The following ABCC5 variants were observed in gnomAD, a reference collection of about 807,000 sequenced individuals.
ABCC5 encodes ATP-binding cassette sub-family C member 5.
ABCC5 carries 61 observed loss-of-function variants against 160.9 expected under a neutral mutation model. The ratio of observed to expected loss-of-function variants is 0.38; its 90% CI spans 0.31 to 0.47. The LOEUF (loss-of-function observed/expected upper bound fraction) is 0.47, where lower values mean the gene tolerates loss of function less well. Among genes scored for constraint, ABCC5 ranks in the 20% least tolerant of loss-of-function variants. The pLI is 0.99. For synonymous variants in ABCC5, 666 were observed against 700.6 expected (o/e 0.95, Z 0.78); for missense variants, 1,308 against 1,813.3 (o/e 0.72, Z 5.06).
intron 1 of ABCC5, among the ~76,000 whole-genome samples, chr3:184,015,792 G>T (rs1418832158): frequency 6.6e-6 from 1 of 152,142 alleles, no homozygotes; most frequent in Non-Finnish European, 1.5e-5. Flanking sequence ...ACCTCATTAA[G>T]GCTAAACTAT....
chr3:183,926,757 T>C (rs1412112503), intron 28 of ABCC5, among the ~76,000 whole-genome samples: 1 of 151,642 alleles, frequency 6.6e-6, no homozygotes, highest in Non-Finnish European at 1.5e-5. Context: ...AATTTTAAAA[T>C]CTATGTCGGC....
chr3:183,928,135 A>T (rs3792586), intron 27 of ABCC5, among the ~76,000 whole-genome samples: 60,230 of 148,046 alleles, frequency 0.41, 13,055 homozygotes, highest in East Asian at 0.5. Flanking sequence ...TTTTTGAGAC[A>T]GAGTTTTGCT....
intron 25 of ABCC5, among the ~76,000 whole-genome samples, chr3:183,939,811 T>C (rs1398976776): frequency 6.6e-6 from 1 of 152,226 alleles, no homozygotes; most frequent in Non-Finnish European, 1.5e-5. Context: ...GTTTTAGCTG[T>C]TGAATCACTT....
chr3:183,947,769 G>A (rs1478128646), intron 22 of ABCC5, among the ~76,000 whole-genome samples: 3 of 152,090 alleles, frequency 2.0e-5, no homozygotes, highest in Non-Finnish European at 2.9e-5. Flanking sequence ...AGATGTTATG[G>A]AAAACATCTA....
At position 183,984,239 on chromosome 3, in the gene ABCC5, C is replaced by T. The variant is rs941832894; in HGVS notation, c.592-1232G>A. Reference sequence around the variant, plus strand: ...GGCCTCAAGGAAAAACTGGTGGCATCCTTCTGGGTCTTTTCAAGTCCTTGC... The same window carrying T: ...GGCCTCAAGGAAAAACTGGTGGCATTCTTCTGGGTCTTTTCAAGTCCTTGC... On this transcript the variant is annotated intron_variant, in intron 5 of 29. Transcript: ENST00000334444. 6.0e-5 allele frequency: 59 copies of T among 985,492 alleles called. No individual in the cohort carries two copies. In the African/African-American group the frequency reaches 1.0e-3, roughly 17 times the overall value. The allele number at this position is 985,492 out of a possible 1,614,324, so 61.0% of individuals were successfully genotyped here. A position where few individuals can be genotyped will look rare whatever the true frequency, so the allele number is the denominator to read the frequency against.
Position 183,988,483 on chromosome 3 carries a change from TAA to T in ABCC5, c.443+87_443+88del. On this transcript the variant is annotated intron_variant, in intron 4 of 29. Transcript: ENST00000334444. The surrounding 1 kb of genome is among the most constrained non-coding windows in gnomAD (Gnocchi z 4.4). ...CCCTCCACTGGACAGCTCGGCTCTT[TAA>T]AGACACAGAGCTGTGGACTTCACAC... is the stretch of plus-strand genomic sequence containing the variant. 1.3e-6 allele frequency: 2 copies of T among 1,501,570 alleles called. No individual in the cohort carries two copies. Among genetic ancestry groups the T allele is most frequent in the South Asian group, 2.7e-5 (2 of 74,136 alleles). 93.0% of individuals were successfully genotyped at this position (1,501,570 alleles called of 1,614,324 possible).
rs1375352432 is a variant in ABCC5, at chr3:183,971,816, T to C, written c.1508A>G (p.His503Arg). The C allele has an allele frequency of 2.5e-6, 4 of 1,614,130 alleles. No homozygotes were observed. The highest frequency in any genetic ancestry group is 2.5e-6 in the Non-Finnish European group (3 of 1,180,010). The change falls in exon 11 of 30, where the codon CAC becomes CGC. Residue 503 changes from histidine to arginine, a missense_variant. This residue lies in a region of ABCC5 where 1,142 missense variants were observed against 1,527.1 expected (regional missense o/e 0.75). Coordinates refer to ENST00000334444, the MANE Select transcript of ABCC5 (RefSeq NM_005688.4). ...CTTGGGCGAGTTCTGGATACTGGAG[T>C]GGGAGGAGTCCCATGCCAAGGTGGC... ...KNATLAWDSS[H>R]SSIQNSPKLT...
rs902363592 is a variant in ABCC5, at chr3:183,982,723, C to A, written c.825+51G>T. The A allele has an allele frequency of 5.6e-6, 9 of 1,609,662 alleles. No individual in the cohort carries two copies. The highest frequency in any genetic ancestry group is 6.0e-6 in the Non-Finnish European group (7 of 1,176,314). ...TAAGGCAGGGCCCTAGAGGAATGAA[C>A]CTCAAGCTAGGAAGTTGCTCTCTGC... is the stretch of plus-strand genomic sequence containing the variant. On this transcript the variant is annotated intron_variant, in intron 6 of 29. Coordinates refer to ENST00000334444, the MANE Select transcript of ABCC5 (RefSeq NM_005688.4). The surrounding 1 kb of genome is among the most constrained non-coding windows in gnomAD (Gnocchi z 5.2).
chr3:183,960,557 G>A (rs554124910), intron 16 of ABCC5, among the ~76,000 whole-genome samples: 1 of 152,218 alleles, frequency 6.6e-6, no homozygotes, highest in East Asian at 1.9e-4. Flanking sequence ...ATGTGGTCTT[G>A]TAAGCCACAT....
intron 11 of ABCC5, among the ~76,000 whole-genome samples, chr3:183,968,339 G>T (rs1163365646): frequency 6.6e-6 from 1 of 151,862 alleles, no homozygotes; most frequent in Non-Finnish European, 1.5e-5. Context: ...CAAACTCCTG[G>T]CCTCAAGTGA....
chr3:183,977,044 T>G (rs575863645), intron 10 of ABCC5, among the ~76,000 whole-genome samples: 12 of 152,334 alleles, frequency 7.9e-5, no homozygotes, highest in African/African-American at 2.6e-4. Context: ...TATGACTATT[T>G]CCATGTAACT....
chr3:183,982,314 C>A lies in ABCC5; in HGVS notation c.999+137G>T. On this transcript the variant is annotated intron_variant, in intron 7 of 29. Transcript: ENST00000334444. The surrounding 1 kb of genome is among the most constrained non-coding windows in gnomAD (Gnocchi z 5.2). ...TCTGTCCCTATAGAGCAAGCACTAT[C>A]GAGCTCTAGATTGAACCTGCTTTGA... 1 of 959,000 alleles carries A rather than the reference C, an allele frequency of 1.0e-6. No homozygotes were observed. The highest frequency in any genetic ancestry group is 1.8e-5 in the South Asian group (1 of 56,716). The allele number at this position is 959,000 out of a possible 1,614,324, so 59.4% of individuals were successfully genotyped here. A position where few individuals can be genotyped will look rare whatever the true frequency, so the allele number is the denominator to read the frequency against.
chr3:183,961,444 A>G, intron 16 of ABCC5, 67 bp downstream of exon 16: 1 of 1,571,578 alleles, frequency 6.4e-7, no homozygotes, highest in African/African-American at 1.3e-5. Context: ...TCTCTCCATC[A>G]CTCACTCCGG....
Position 183,947,393 on chromosome 3 carries a change from C to T in ABCC5, c.3345G>A (p.Leu1115=). ...TCTGCCCGTGCATAAGAACGATCAT[C>T]AGCCCCGTGGTGGTGATGAGGGCGA... The part of the protein sequence containing the change: ...ISIALITTTG[L]MIVLMHGQIP... Residue 1115 remains leucine, a synonymous_variant, in exon 23 of 30, where the codon CTG becomes CTA. Transcript: ENST00000334444. 7 of 1,613,876 alleles carry T rather than the reference C, an allele frequency of 4.3e-6. No homozygotes were observed. In the South Asian group the frequency reaches 6.6e-5, roughly 15 times the overall value.
intron 27 of ABCC5, chr3:183,927,739 T>C: frequency 2.0e-6 from 2 of 985,450 alleles, no homozygotes; most frequent in Non-Finnish European, 2.4e-6. Context: ...GTTTTGGTTC[T>C]GAAAATATGG....
chr3:183,953,172 C>T lies in ABCC5; in HGVS notation c.2581G>A (p.Val861Ile). The change falls in exon 18 of 30, where the codon GTT (valine) becomes ATT (isoleucine). Residue 861 changes from valine (V) to isoleucine (I), a missense_variant. Physicochemically the swap from Val to Ile is conservative, Grantham distance 29. This residue lies in a region of ABCC5 where 1,142 missense variants were observed against 1,527.1 expected (regional missense o/e 0.75). Transcript: ENST00000334444. ...TTCAGCATGAAAAGGGCCATAATAA[C>T]CAGGAATGCCAAGGGGCCCCCAGCA... Reference protein sequence around the residue: ...QAAGGPLAFLVIMALFMLNVG... With the variant: ...QAAGGPLAFLIIMALFMLNVG... 6.2e-7 allele frequency: 1 copy of T among 1,614,128 alleles called. No homozygotes were observed. The highest frequency in any genetic ancestry group is 8.5e-7 in the Non-Finnish European group (1 of 1,180,014).
chr3:183,943,884 A>G (rs1234488794), intron 24 of ABCC5, among the ~76,000 whole-genome samples: 4 of 152,244 alleles, frequency 2.6e-5, no homozygotes, highest in Non-Finnish European at 5.9e-5. Context: ...ACACACCAGG[A>G]CAGTGTGCAA....
intron 24 of ABCC5, among the ~76,000 whole-genome samples, chr3:183,943,854 T>G (rs1454594017): frequency 6.6e-6 from 1 of 152,086 alleles, no homozygotes; most frequent in East Asian, 1.9e-4. Flanking sequence ...ACTGCACATA[T>G]GTACACACAC....
At chr3:183,992,819 G>A (rs1014335910) in intron 2 of ABCC5, among the ~76,000 whole-genome samples, 3 of 151,982 alleles carry the variant, frequency 2.0e-5, no homozygotes, top group African/African-American at 7.2e-5. Context: ...AAAAATAAAA[G>A]AAGAAAAAGA....
Sources: allele counts gnomAD v4.1 joint callset (sites outside exome capture counted in the v4.1 genomes callset), GRCh38; gene constraint gnomAD v4.1.1; regional missense constraint gnomAD v4.1.1; non-coding constraint Gnocchi (gnomAD v3.1); transcripts MANE v1.5; gene names NCBI Gene and HGNC (gene_info 2026-07-23, HGNC 2026-07-21).